Variants in SLC9B2 observed in about 807,000 individuals in gnomAD.
SLC9B2 encodes the protein sodium/hydrogen exchanger 9B2.
Under a neutral mutation model 52.2 loss-of-function variants are expected in SLC9B2, and 39 were observed. The ratio of observed to expected loss-of-function variants is 0.75; its 90% CI spans 0.58 to 0.98. SLC9B2 has a LOEUF of 0.98. Ranked by LOEUF, SLC9B2 falls within the 50% of genes least tolerant of loss-of-function variation. SLC9B2 has a pLI of 0.00. For missense variants in SLC9B2, 626 were observed against 637.5 expected (o/e 0.98, Z 0.19); for synonymous variants, 214 against 227.0 (o/e 0.94, Z 0.51).
At position 103,028,771 on chromosome 4, in the gene SLC9B2, T is replaced by G. The variant is rs990121597; in HGVS notation, c.1368A>C (p.Ala456=). 1 of 1,608,208 alleles carries G rather than the reference T, an allele frequency of 6.2e-7. No individual in the cohort carries two copies. Among genetic ancestry groups the G allele is most frequent in the Non-Finnish European group, 8.5e-7 (1 of 1,178,098 alleles). The change falls in exon 11 of 12, where the codon GCA becomes GCC. Residue 456 remains alanine, a synonymous_variant. Transcript: ENST00000394785. ...NLKEKIFISF[A]WLPKATVQAA... ...CCTGAACTGTGGCCTTTGGAAGCCA[T>G]GCAAAAGAAATAAATATCTTTTCTT... is the stretch of plus-strand genomic sequence containing the variant.
chr4:103,031,394 T>C (rs997997809), intron 10 of SLC9B2, among the ~76,000 whole-genome samples: 4 of 152,156 alleles, frequency 2.6e-5, no homozygotes, highest in Non-Finnish European at 4.4e-5. Context: ...TGAATATTCT[T>C]ACCCTTGGAA....
At position 103,057,919 on chromosome 4, in the gene SLC9B2, T is replaced by C. The variant is rs1346870999; in HGVS notation, c.324A>G (p.Glu108=). ...CAAATAGGTTTCCTCCAGGAAGACA[T>C]TCACTGCCAGTAATTGACCAAACTA... ...WAVVWSITGS[E]CLPGGNLFGI... Residue 108 remains glutamate (E), a synonymous_variant, in exon 4 of 12, where the codon GAA becomes GAG. Coordinates refer to ENST00000394785, the MANE Select transcript of SLC9B2 (RefSeq NM_178833.7). 5.6e-6 allele frequency: 9 copies of C among 1,613,806 alleles called. No individual in the cohort carries two copies. The highest frequency in any genetic ancestry group is 7.6e-6 in the Non-Finnish European group (9 of 1,179,956).
chr4:103,071,673 G>A (rs902092608), intron 1 of SLC9B2, among the ~76,000 whole-genome samples: 2 of 151,724 alleles, frequency 1.3e-5, no homozygotes, highest in Non-Finnish European at 2.9e-5. Context: ...TACCACACCC[G>A]GCTAATTTTT....
intron 3 of SLC9B2, among the ~76,000 whole-genome samples, 193 bp from the exon 4 acceptor site, chr4:103,058,164 A>G (rs905463071): frequency 2.0e-5 from 3 of 152,214 alleles, no homozygotes; most frequent in African/African-American, 7.2e-5. Flanking sequence ...GGATATTACC[A>G]GTACTTTTGA....
intron 9 of SLC9B2, among the ~76,000 whole-genome samples, chr4:103,039,002 C>G (rs559261223): frequency 7.2e-5 from 11 of 152,280 alleles, no homozygotes; most frequent in Admixed American, 7.2e-4. Context: ...AAGTTAACAA[C>G]AATATTGCTA....
chr4:103,019,080 AG>A (rs1741590249), downstream of SLC9B2, among the ~76,000 whole-genome samples: 2 of 152,006 alleles, frequency 1.3e-5, no homozygotes, highest in African/African-American at 2.4e-5. Flanking sequence ...GGTGCCAAAA[AG>A]GTTGGGGACT....
chr4:103,062,448 T>G (rs1322181685), intron 3 of SLC9B2, among the ~76,000 whole-genome samples: 2 of 151,910 alleles, frequency 1.3e-5, no homozygotes, highest in African/African-American at 2.4e-5. Context: ...TTTTTCTACT[T>G]CAAGACTATT....
intron 6 of SLC9B2, 150 bp downstream of exon 6, chr4:103,048,743 T>TG (rs1744394279): frequency 3.1e-6 from 3 of 979,744 alleles, no homozygotes; most frequent in Non-Finnish European, 4.3e-6. Context: ...AACTATGTTT[T>TG]GAAGTTAGAA....
At chr4:103,019,939 A>G, downstream of SLC9B2, 1 of 987,494 alleles carries the variant, frequency 1.0e-6, no homozygotes, top group Non-Finnish European at 1.2e-6. Context: ...GCCAAAAAGC[A>G]GTGCTCGGGA....
At chr4:103,061,487 T>C (rs1470237372) in intron 3 of SLC9B2, among the ~76,000 whole-genome samples, 2 of 151,798 alleles carry the variant, frequency 1.3e-5, no homozygotes, top group African/African-American at 4.8e-5. Context: ...GGAAGGGGAA[T>C]ATCACACACC....
intron 3 of SLC9B2, among the ~76,000 whole-genome samples, chr4:103,063,973 T>C (rs1381548865): frequency 6.6e-6 from 1 of 152,148 alleles, no homozygotes; most frequent in Admixed American, 6.5e-5. Flanking sequence ...AGGATGGCTA[T>C]TATCAAAAAG....
chr4:103,071,692 A>C (rs957319489), intron 1 of SLC9B2, among the ~76,000 whole-genome samples: 1 of 151,782 alleles, frequency 6.6e-6, no homozygotes, highest in Non-Finnish European at 1.5e-5. Context: ...TTGTATTTTT[A>C]ATAGGGATGG....
At chr4:103,039,937 C>T (rs1743496385) in intron 9 of SLC9B2, among the ~76,000 whole-genome samples, 1 of 152,052 alleles carries the variant, frequency 6.6e-6, no homozygotes, top group Non-Finnish European at 1.5e-5. Context: ...TGAGCCACCG[C>T]ACCCAGCCTC....
intron 1 of SLC9B2, among the ~76,000 whole-genome samples, chr4:103,073,068 G>A (rs1464397776): frequency 6.6e-6 from 1 of 152,186 alleles, no homozygotes; most frequent in East Asian, 1.9e-4. Context: ...CTTGCAAGCA[G>A]AGATCAAGTG....
intron 7 of SLC9B2, among the ~76,000 whole-genome samples, chr4:103,046,149 GGGGAGATAACTATA>G (rs1258558483): frequency 6.6e-6 from 1 of 152,170 alleles, no homozygotes; most frequent in African/African-American, 2.4e-5. Flanking sequence ...ATCACAGAAT[GGGGAGATAACTATA>G]GGGAGATAAC....
Position 103,059,472 on chromosome 4 carries a change from ATG to A in SLC9B2, c.272-1503_272-1502del, listed in dbSNP as rs141944808. Among the ~76,000 whole-genome samples, 331 of 152,260 alleles carry A rather than the reference ATG, an allele frequency of 2.2e-3. 2 individuals are homozygous for A. The highest frequency in any genetic ancestry group is 4.2e-3 in the African/African-American group (176 of 41,554). ...TTATACTCTCAGCCGCTTCATCCAC[ATG>A]TGTTTTATTAGATAGCTTAATGTTG... is the stretch of plus-strand genomic sequence containing the variant. On this transcript the variant is annotated intron_variant, in intron 3 of 11. Transcript: ENST00000394785.
intron 3 of SLC9B2, among the ~76,000 whole-genome samples, chr4:103,060,145 G>A (rs1298705846): frequency 6.6e-6 from 1 of 151,012 alleles, no homozygotes; most frequent in Non-Finnish European, 1.5e-5. Context: ...ATCAGTTCTG[G>A]AAAATTCTTA....
chr4:103,076,765 G>A (rs1474073515), upstream of SLC9B2: 1 of 152,272 alleles, frequency 6.6e-6, no homozygotes, highest in Non-Finnish European at 1.5e-5. Context: ...CGGAGATGAC[G>A]AGACACCGCG....
downstream of SLC9B2, chr4:103,020,494 T>A (rs1553914178): frequency 2.9e-6 from 1 of 345,928 alleles, no homozygotes; most frequent in Non-Finnish European, 5.7e-6. Flanking sequence ...ATGTTTACTC[T>A]TGAACACTGT....
Sources: gnomAD v4.1 joint callset for allele counts (sites outside exome capture counted in the v4.1 genomes callset) on GRCh38, gnomAD v4.1.1 for gene constraint, MANE v1.5 for transcripts, NCBI Gene and HGNC (gene_info 2026-07-23, HGNC 2026-07-21) for gene names.